The following SEPHS1 variants were observed in gnomAD, a reference collection of about 807,000 sequenced individuals.
SEPHS1 encodes the protein zincore component SEPHS1.
SEPHS1 carries 7 observed loss-of-function variants against 39.2 expected under a neutral mutation model. The ratio of observed to expected loss-of-function variants is 0.18; its 90% CI spans 0.10 to 0.34. The LOEUF (loss-of-function observed/expected upper bound fraction) is 0.34. SEPHS1 is among the 10% of genes least tolerant of loss of function. The probability of loss-of-function intolerance (pLI) is 1.00; values close to 1 mark genes in which losing one functional copy is unlikely to be tolerated. For missense variants in SEPHS1, 253 were observed against 514.5 expected, an observed-to-expected ratio of 0.49 and a Z score of 4.92; for synonymous variants, 190 against 195.5, an observed-to-expected ratio of 0.97 and a Z score of 0.23.
At chr10:13,346,478 T>C (rs1833925250) in intron 1 of SEPHS1, among the ~76,000 whole-genome samples, 1 of 152,154 alleles carries the variant, frequency 6.6e-6, no homozygotes, top group Non-Finnish European at 1.5e-5. Flanking sequence ...TGAGCAATGA[T>C]TTCGGTGGGA....
chr10:13,326,227 G>A (rs1472740607), intron 7 of SEPHS1, among the ~76,000 whole-genome samples: 1 of 152,008 alleles, frequency 6.6e-6, no homozygotes, highest in East Asian at 1.9e-4. Flanking sequence ...TGTAATCCCA[G>A]TACTTTGGGA....
At chr10:13,336,040 G>C (rs1588543852) in intron 4 of SEPHS1, among the ~76,000 whole-genome samples, 2 of 151,808 alleles carry the variant, frequency 1.3e-5, no homozygotes. Flanking sequence ...AAGGGAGCAG[G>C]TGGCAGAAGT....
Position 13,344,971 on chromosome 10 carries a change from C to T in SEPHS1, c.-21G>A. The T allele has an allele frequency of 4.1e-6, 6 of 1,477,836 alleles. No homozygotes were observed. The highest frequency in any genetic ancestry group is 5.4e-6 in the Non-Finnish European group (6 of 1,103,906). The allele number at this position is 1,477,836 out of a possible 1,614,324, so 91.5% of individuals were successfully genotyped here. A position where few individuals can be genotyped will look rare whatever the true frequency, so the allele number is the denominator to read the frequency against. ...GACATGGTTCTTGGGCCCCGCTCTC[C>T]TCACAGCTCAGCCCCTCCCCTCCCT... On this transcript the variant is annotated 5_prime_UTR_variant, in exon 2 of 9. Coordinates refer to ENST00000327347, the MANE Select transcript of SEPHS1 (RefSeq NM_012247.5).
intron 5 of SEPHS1, among the ~76,000 whole-genome samples, chr10:13,330,568 A>G (rs1040252249): frequency 6.6e-6 from 1 of 152,212 alleles, no homozygotes; most frequent in Non-Finnish European, 1.5e-5. Flanking sequence ...TCGCAGCTTC[A>G]GCAGCTGAGC....
At chr10:13,321,988 G>C (rs1833131649) in intron 8 of SEPHS1, 1 of 448,132 alleles carries the variant, frequency 2.2e-6, no homozygotes, top group Admixed American at 2.5e-5. Flanking sequence ...ACTGCTGTCT[G>C]ATGGCTCTCT....
chr10:13,339,439 T>C (rs1833726917), intron 2 of SEPHS1, among the ~76,000 whole-genome samples: 1 of 152,000 alleles, frequency 6.6e-6, no homozygotes. Context: ...CCACCAGTAG[T>C]AGTCAAGATA....
chr10:13,344,264 T>C (rs1451212362), intron 2 of SEPHS1, among the ~76,000 whole-genome samples: 1 of 152,180 alleles, frequency 6.6e-6, no homozygotes, highest in Non-Finnish European at 1.5e-5. Flanking sequence ...AATGTGAGCA[T>C]TTTAGGAGTC....
chr10:13,334,045 T>TAA, intron 4 of SEPHS1, 74 bp from the exon 5 acceptor site: 3 of 1,312,494 alleles, frequency 2.3e-6, no homozygotes, highest in Non-Finnish European at 3.2e-6. Flanking sequence ...TTTTTACACT[T>TAA]ACAGTTATAA....
chr10:13,347,618 G>A (rs1194425581), intron 1 of SEPHS1, among the ~76,000 whole-genome samples: 1 of 147,072 alleles, frequency 6.8e-6, no homozygotes, highest in Admixed American at 6.7e-5. Context: ...GGGAGGCCCC[G>A]GAGGCACCCC....
rs1251838920 is a variant in SEPHS1 at position 13,325,959 on chromosome 10, A to AT, written c.751+2391_751+2392insA. Among the ~76,000 whole-genome samples the AT allele has an allele frequency of 1.7e-3, 186 of 108,016 alleles. 6 individuals are homozygous for AT. Among genetic ancestry groups the AT allele is most frequent in the East Asian group, 0.011 (42 of 3,834 alleles). The allele number at this position is 108,016 out of a possible 152,430, so 70.9% of individuals were successfully genotyped here. ...GAGACTCAGTCTCAAAAAAAAAAAA[A>AT]AAAAATAATAATAATAATAATAAAT... On this transcript the variant is annotated intron_variant, in intron 7 of 8. Coordinates refer to ENST00000327347, the MANE Select transcript of SEPHS1 (RefSeq NM_012247.5).
chr10:13,319,382 G>C, intron 8 of SEPHS1, 26 bp from the exon 9 acceptor site: 1 of 1,609,484 alleles, frequency 6.2e-7, no homozygotes, highest in Non-Finnish European at 8.5e-7. Context: ...AAGAATGACT[G>C]TTAGTGTTGA....
At chr10:13,343,234 T>C (rs1386987893) in intron 2 of SEPHS1, among the ~76,000 whole-genome samples, 3 of 152,076 alleles carry the variant, frequency 2.0e-5, no homozygotes, top group Non-Finnish European at 4.4e-5. Context: ...TTGACAGTTA[T>C]CTAACAGCTT....
In SEPHS1 at chr10:13,318,670, C is replaced by T. The variant is rs1204928194; in HGVS notation, c.*472G>A. 6 of 167,138 alleles carry T rather than the reference C, an allele frequency of 3.6e-5. No individual in the cohort carries two copies. The highest frequency in any genetic ancestry group is 6.3e-5 in the Non-Finnish European group (5 of 79,188). 10.4% of individuals were successfully genotyped at this position (167,138 alleles called of 1,614,324 possible). On this transcript the variant is annotated 3_prime_UTR_variant, in exon 9 of 9. Coordinates refer to ENST00000327347, the MANE Select transcript of SEPHS1 (RefSeq NM_012247.5). ...AAACACTCAAAGGAATCATGCAACC[C>T]TCTTATGACTGGGATACCGTCATGT...
intron 5 of SEPHS1, among the ~76,000 whole-genome samples, chr10:13,332,162 T>C (rs1216786788): frequency 6.6e-6 from 1 of 151,950 alleles, no homozygotes; most frequent in Non-Finnish European, 1.5e-5. Context: ...TAAAGCAGGG[T>C]CCATCCATGC....
intron 8 of SEPHS1, 29 bp downstream of exon 8, chr10:13,322,805 TA>T (rs756587904): frequency 6.3e-7 from 1 of 1,599,502 alleles, no homozygotes; most frequent in Non-Finnish European, 8.5e-7. Flanking sequence ...CCTCACTATT[TA>T]GTCCTCAGAT....
chr10:13,320,680 A>G (rs2131681889), intron 8 of SEPHS1, among the ~76,000 whole-genome samples: 1 of 151,892 alleles, frequency 6.6e-6, no homozygotes, highest in African/African-American at 2.4e-5. Context: ...CTCGTCTCTA[A>G]ATTAGCTGGG....
At chr10:13,347,266 C>G (rs1002957759) in intron 1 of SEPHS1, 1 of 151,928 alleles carries the variant, frequency 6.6e-6, no homozygotes, top group African/African-American at 2.4e-5. Context: ...CCCCGCCAAC[C>G]CCGGACCTAC....
chr10:13,347,770 C>T (rs1347670937), intron 1 of SEPHS1, among the ~76,000 whole-genome samples: 1 of 140,142 alleles, frequency 7.1e-6, no homozygotes, highest in African/African-American at 2.5e-5. Context: ...TCCCTCCTTC[C>T]CCGGCCCCGC....
intron 1 of SEPHS1, among the ~76,000 whole-genome samples, chr10:13,345,651 C>T (rs1381841347): frequency 2.0e-5 from 3 of 152,084 alleles, no homozygotes; most frequent in African/African-American, 7.2e-5. Flanking sequence ...GGGAGGCCAA[C>T]GCGGGTGGAT....
Sources: allele counts gnomAD v4.1 joint callset (sites outside exome capture counted in the v4.1 genomes callset), GRCh38; gene constraint gnomAD v4.1.1; transcripts MANE v1.5; gene names NCBI Gene and HGNC (gene_info 2026-07-23, HGNC 2026-07-21).